Variants in HEATR5A observed in about 807,000 individuals in gnomAD.
HEATR5A encodes the protein HEAT repeat containing 5A.
Under a neutral mutation model 218.8 loss-of-function variants are expected in HEATR5A, and 178 were observed. The observed-to-expected ratio is 0.81, with a 90% CI of 0.72 to 0.92. The LOEUF is 0.92. Among genes scored for constraint, HEATR5A ranks in the 40% least tolerant of loss-of-function variants. The pLI is 0.00. For synonymous variants in HEATR5A, 864 were observed against 871.6 expected (o/e 0.99, Z 0.15); for missense variants, 2,420 against 2,418.9 (o/e 1.00, Z -0.01).
At chr14:31,307,708 GC>G (rs1899600056) in intron 30 of HEATR5A, among the ~76,000 whole-genome samples, 184 bp downstream of exon 30, 1 of 152,164 alleles carries the variant, frequency 6.6e-6, no homozygotes, top group African/African-American at 2.4e-5. Flanking sequence ...AGAGTAAGAG[GC>G]ATGATTGTTT....
rs1566777977 is a variant in HEATR5A, at chr14:31,386,560, T to C, written c.1205A>G (p.Asp402Gly). 1 of 1,595,760 alleles carries C rather than the reference T, an allele frequency of 6.3e-7. No individual in the cohort carries two copies. Among genetic ancestry groups the C allele is most frequent in the Non-Finnish European group, 8.5e-7 (1 of 1,172,606 alleles). Residue 402 changes from aspartate (D) to glycine (G), a missense_variant, in exon 9 of 36, where the codon GAT (aspartate) becomes GGT (glycine). Asp to Gly is a moderately conservative substitution (Grantham distance 94, BLOSUM62 -1). Coordinates refer to ENST00000543095, the MANE Select transcript of HEATR5A (RefSeq NM_015473.4). ...LKKVMDAVMS[D>G]GNLETRLGST... ...ACCAAGCCGGGTTTCCAAATTACCA[T>C]CACTCATTACGGCATCTGATAGAAA...
intron 1 of HEATR5A, among the ~76,000 whole-genome samples, chr14:31,404,495 T>G (rs1392298828): frequency 6.6e-6 from 1 of 152,034 alleles, no homozygotes; most frequent in African/African-American, 2.4e-5. Context: ...AATTATAATA[T>G]AACTGAAAAA....
chr14:31,408,232 T>A (rs952130477), intron 1 of HEATR5A, among the ~76,000 whole-genome samples: 1 of 152,184 alleles, frequency 6.6e-6, no homozygotes, highest in Non-Finnish European at 1.5e-5. Flanking sequence ...GCTTTTCAAA[T>A]TGGGATAACT....
rs766102298 is a variant in HEATR5A, at chr14:31,296,060, T to A, written c.5468A>T (p.Asp1823Val). The change falls in exon 34 of 36, where the codon GAT becomes GTT. Residue 1823 changes from aspartate (D) to valine (V), a missense_variant. Asp to Val is a radical substitution (Grantham distance 152). Coordinates refer to ENST00000543095, the MANE Select transcript of HEATR5A (RefSeq NM_015473.4). ...TTCATCAAGTTCTTGGTGTGTTTCATCAACTAAAGAGAAATGCTCTATTAG... is the reference window on the plus strand; with the variant it reads ...TTCATCAAGTTCTTGGTGTGTTTCAACAACTAAAGAGAAATGCTCTATTAG... ...TTILDCWDPVDETHQELDEVS... is the reference protein window; with the variant it reads ...TTILDCWDPVVETHQELDEVS... 6.2e-7 allele frequency: 1 copy of A among 1,612,628 alleles called. No individual in the cohort carries two copies. Among genetic ancestry groups the A allele is most frequent in the Non-Finnish European group, 8.5e-7 (1 of 1,178,848 alleles).
At chr14:31,361,580 C>T (rs1446081573) in intron 14 of HEATR5A, among the ~76,000 whole-genome samples, 16 of 152,088 alleles carry the variant, frequency 1.1e-4, no homozygotes. Flanking sequence ...ATTACTTTCC[C>T]AACTGTCCCT....
At chr14:31,319,422 G>A (rs1024468605) in intron 25 of HEATR5A, among the ~76,000 whole-genome samples, 5 of 152,114 alleles carry the variant, frequency 3.3e-5, no homozygotes, top group African/African-American at 1.2e-4. Flanking sequence ...CAAAGTGCTG[G>A]GATTACAGGC....
chr14:31,369,521 G>A (rs1901939497), intron 13 of HEATR5A, among the ~76,000 whole-genome samples: 1 of 127,468 alleles, frequency 7.8e-6, no homozygotes, highest in Non-Finnish European at 1.6e-5. Context: ...CGAAGCAGGA[G>A]AATAATTTGA....
At chr14:31,300,683 G>A (rs1199041111) in intron 33 of HEATR5A, among the ~76,000 whole-genome samples, 9 of 152,158 alleles carry the variant, frequency 5.9e-5, no homozygotes, top group Admixed American at 5.9e-4. Flanking sequence ...TGGGCAATCT[G>A]GCTCCAGAGC....
At position 31,383,515 on chromosome 14, in the gene HEATR5A, C is replaced by T. The variant is rs764704524; in HGVS notation, c.1596+6G>A. ...CATTATCATACATAGAGAATGAAATCATTACCTTGCCTTTTCCATGAGGAA... is the reference window on the plus strand; with the variant it reads ...CATTATCATACATAGAGAATGAAATTATTACCTTGCCTTTTCCATGAGGAA... On this transcript the variant is annotated splice_donor_region_variant and intron_variant, in intron 10 of 35. Transcript: ENST00000543095. 9.3e-6 allele frequency: 15 copies of T among 1,607,620 alleles called. No homozygotes were observed. Among genetic ancestry groups the T allele is most frequent in the African/African-American group, 2.7e-5 (2 of 74,774 alleles).
Position 31,294,068 on chromosome 14 carries a change from A to G in HEATR5A, c.5656T>C (p.Phe1886Leu). ...GAAACAGCTGGATTTGGATACTGAA[A>G]GATGGAATGTAGGAGCTGGTAGGTC... ...IKTYQLLHSI[F>L]QYPNPAVSYP... Residue 1886 changes from phenylalanine to leucine, a missense_variant, in exon 35 of 36, where the codon TTT becomes CTT. Physicochemically the swap from Phe to Leu is conservative, Grantham distance 22. Coordinates refer to ENST00000543095, the MANE Select transcript of HEATR5A (RefSeq NM_015473.4). The G allele has an allele frequency of 6.2e-7, 1 of 1,600,554 alleles. No homozygotes were observed. The highest frequency in any genetic ancestry group is 8.5e-7 in the Non-Finnish European group (1 of 1,172,958).
intron 1 of HEATR5A, among the ~76,000 whole-genome samples, chr14:31,410,326 C>T (rs2031230186): frequency 6.6e-6 from 1 of 152,116 alleles, no homozygotes; most frequent in African/African-American, 2.4e-5. Flanking sequence ...GTCAAGAACT[C>T]CCACAATTCA....
intron 25 of HEATR5A, chr14:31,320,598 G>C (rs1900064234): frequency 1.3e-6 from 1 of 761,438 alleles, no homozygotes; most frequent in African/African-American, 1.7e-5. Flanking sequence ...CAGCAGATCA[G>C]AGCTGGAGAA....
At chr14:31,415,176 T>C (rs2139329828) in intron 1 of HEATR5A, among the ~76,000 whole-genome samples, 1 of 152,300 alleles carries the variant, frequency 6.6e-6, no homozygotes, top group African/African-American at 2.4e-5. Context: ...TCATAAAATT[T>C]AGCTACCTAA....
At chr14:31,400,993 C>T (rs1172463522) in intron 2 of HEATR5A, among the ~76,000 whole-genome samples, 1 of 152,014 alleles carries the variant, frequency 6.6e-6, no homozygotes, top group Non-Finnish European at 1.5e-5. Context: ...GCGCCCGCCA[C>T]CATGCCCGGC....
chr14:31,395,383 A>T (rs2030615500), intron 4 of HEATR5A, 35 bp from the exon 5 acceptor site: 1 of 1,218,922 alleles, frequency 8.2e-7, no homozygotes, highest in Admixed American at 2.2e-5. Context: ...TAGGAAAAAT[A>T]ATTAAACTGC....
At chr14:31,343,702 T>C (rs931178528) in intron 21 of HEATR5A, among the ~76,000 whole-genome samples, 194 bp downstream of exon 21, 4 of 152,126 alleles carry the variant, frequency 2.6e-5, no homozygotes, top group Admixed American at 2.0e-4. Flanking sequence ...GAAAAATTAA[T>C]AGAAGAGAGA....
At chr14:31,351,924 C>T (rs1901247916) in intron 16 of HEATR5A, among the ~76,000 whole-genome samples, 1 of 151,854 alleles carries the variant, frequency 6.6e-6, no homozygotes, top group African/African-American at 2.4e-5. Flanking sequence ...CATTTTTCTT[C>T]TTTTATAATG....
chr14:31,402,562 C>T (rs754750468), intron 2 of HEATR5A, among the ~76,000 whole-genome samples: 1 of 152,154 alleles, frequency 6.6e-6, no homozygotes, highest in African/African-American at 2.4e-5. Flanking sequence ...CAGACCATAA[C>T]AAAAACGAAG....
rs539253469 is a variant in HEATR5A, at chr14:31,347,775, C to A, written c.2841G>T (p.Ala947=). The A allele has an allele frequency of 1.9e-6, 3 of 1,608,060 alleles. No individual in the cohort carries two copies. The highest frequency in any genetic ancestry group is 2.2e-5 in the East Asian group (1 of 44,680). Residue 947 remains alanine (A), a synonymous_variant, in exon 19 of 36, where the codon GCG becomes GCT. Coordinates refer to ENST00000543095, the MANE Select transcript of HEATR5A (RefSeq NM_015473.4). The part of the protein sequence containing the change: ...NSCIGILYTL[A]QDSTSPDVQT... ...GCACATCAGGAGAAGTGCTGTCCTG[C>A]GCCAAAGTATAAAGGATTCCAATAC...
Sources: allele counts gnomAD v4.1 joint callset (sites outside exome capture counted in the v4.1 genomes callset), GRCh38; gene constraint gnomAD v4.1.1; transcripts MANE v1.5; gene names NCBI Gene and HGNC (gene_info 2026-07-23, HGNC 2026-07-21).